CHSY3: variants seen among roughly 807,000 people sequenced by gnomAD.
The protein encoded by CHSY3 is N-acetylgalactosaminyl-proteoglycan 3-beta-glucuronosyltransferase 3.
Under a neutral mutation model 67.2 loss-of-function variants are expected in CHSY3, and 35 were observed. The ratio of observed to expected loss-of-function variants is 0.52; its 90% CI spans 0.40 to 0.69. The LOEUF (loss-of-function observed/expected upper bound fraction) is 0.69, where lower values mean the gene tolerates loss of function less well. CHSY3 is among the 30% of genes least tolerant of loss of function. CHSY3 has a pLI of 0.00. For missense variants in CHSY3, 1,069 were observed against 1,138.5 expected (o/e 0.94, Z 0.88); for synonymous variants, 474 against 434.7 (o/e 1.09, Z -1.12).
chr5:130,050,655 A>T (rs970515534), intron 2 of CHSY3, among the ~76,000 whole-genome samples: 6 of 152,146 alleles, frequency 3.9e-5, no homozygotes, highest in African/African-American at 1.4e-4. Context: ...CACTGCAATC[A>T]CATAGAGTTG....
intron 2 of CHSY3, among the ~76,000 whole-genome samples, chr5:130,129,100 T>C (rs1768396616): frequency 6.6e-6 from 1 of 152,076 alleles, no homozygotes; most frequent in Non-Finnish European, 1.5e-5. Flanking sequence ...ATGTGCCAAG[T>C]TTCCTCAAGA....
At chr5:130,071,673 A>G (rs561941157) in intron 2 of CHSY3, among the ~76,000 whole-genome samples, 1 of 152,082 alleles carries the variant, frequency 6.6e-6, no homozygotes, top group Admixed American at 6.6e-5. Flanking sequence ...TGAAATGAAC[A>G]TGGAAGTTCA....
intron 2 of CHSY3, 23 bp from the exon 3 acceptor site, chr5:130,184,206 A>AT (rs751880121): frequency 1.1e-5 from 16 of 1,447,496 alleles, no homozygotes; most frequent in African/African-American, 1.4e-5. Context: ...ATTAACCCTG[A>AT]TTTTTTTAAT....
At chr5:130,098,087 G>A (rs1257764778) in intron 2 of CHSY3, among the ~76,000 whole-genome samples, 2 of 152,088 alleles carry the variant, frequency 1.3e-5, no homozygotes, top group Non-Finnish European at 2.9e-5. Context: ...GGAAAAAAAA[G>A]CCTACAAAAC....
intron 2 of CHSY3, among the ~76,000 whole-genome samples, chr5:130,162,212 T>A (rs2149728782): frequency 6.6e-6 from 1 of 152,246 alleles, no homozygotes; most frequent in Non-Finnish European, 1.5e-5. Context: ...ATATTTATTT[T>A]AAAAATGTAC....
intron 2 of CHSY3, among the ~76,000 whole-genome samples, chr5:130,115,191 TC>T (rs924946732): frequency 1.2e-4 from 18 of 152,076 alleles, no homozygotes; most frequent in African/African-American, 3.1e-4. Flanking sequence ...GTATTTTTTT[TC>T]ATCCCCCTAA....
At chr5:130,128,102 A>T (rs1304495643) in intron 2 of CHSY3, among the ~76,000 whole-genome samples, 1 of 152,172 alleles carries the variant, frequency 6.6e-6, no homozygotes. Context: ...CAATGAACAC[A>T]TACTGAGTAA....
intron 2 of CHSY3, among the ~76,000 whole-genome samples, chr5:130,127,692 C>T (rs1295246719): frequency 6.6e-6 from 1 of 152,150 alleles, no homozygotes; most frequent in East Asian, 1.9e-4. Flanking sequence ...TTAGGTCAAT[C>T]AGAAATTCCT....
At chr5:130,015,871 G>C (rs1438176916) in intron 2 of CHSY3, among the ~76,000 whole-genome samples, 1 of 152,034 alleles carries the variant, frequency 6.6e-6, no homozygotes, top group Non-Finnish European at 1.5e-5. Context: ...AGAAAATGTG[G>C]TATATATACT....
chr5:130,139,292 C>A (rs2149718185), intron 2 of CHSY3, among the ~76,000 whole-genome samples: 1 of 152,242 alleles, frequency 6.6e-6, no homozygotes, highest in Admixed American at 6.5e-5. Flanking sequence ...GTCCGTTTAG[C>A]AAGACACATT....
At position 129,905,205 on chromosome 5, in the gene CHSY3, G is replaced by C. The variant is rs1405445322; in HGVS notation, c.376G>C (p.Gly126Arg). Residue 126 changes from glycine to arginine, a missense_variant, in exon 1 of 3, where the codon GGT becomes CGT. Gly to Arg is a moderately radical substitution (Grantham distance 125). Around this residue, in one of 5 missense-constraint regions of CHSY3, gnomAD observed 309 missense variants for 262.5 expected, o/e 1.18. Transcript: ENST00000305031. ...REPEGATGLP[G>R]APAAEGEPEE... ...GCCTGAGGGCGCGACGGGGCTTCCC[G>C]GTGCTCCAGCGGCCGAGGGGGAGCC... 6.6e-7 allele frequency: 1 copy of C among 1,513,924 alleles called. No individual in the cohort carries two copies. Among genetic ancestry groups the C allele is most frequent in the Non-Finnish European group, 8.8e-7 (1 of 1,137,542 alleles). 93.8% of individuals were successfully genotyped at this position (1,513,924 alleles called of 1,614,324 possible).
At chr5:130,111,000 A>T (rs897006016) in intron 2 of CHSY3, among the ~76,000 whole-genome samples, 8 of 151,996 alleles carry the variant, frequency 5.3e-5, no homozygotes, top group African/African-American at 1.9e-4. Flanking sequence ...TTTCACCAAC[A>T]TTTAATTTCT....
In CHSY3 at chr5:130,186,455, T is replaced by C. The variant is rs1770425527; in HGVS notation, c.*664T>C. 1.3e-5 allele frequency: 2 copies of C among 152,728 alleles called. No homozygotes were observed. The highest frequency in any genetic ancestry group is 2.4e-5 in the African/African-American group (1 of 41,406). 9.5% of individuals were successfully genotyped at this position (152,728 alleles called of 1,614,324 possible). On this transcript the variant is annotated 3_prime_UTR_variant, in exon 3 of 3. Coordinates refer to ENST00000305031, the MANE Select transcript of CHSY3 (RefSeq NM_175856.5). ...TTATGAGCTCCTCACAACTGTCTGC[T>C]ATAAATGCGAATGAACTTTATTTTC...
At chr5:129,933,604 T>A (rs1761386882) in intron 2 of CHSY3, among the ~76,000 whole-genome samples, 2 of 152,156 alleles carry the variant, frequency 1.3e-5, no homozygotes, top group Non-Finnish European at 2.9e-5. Flanking sequence ...GTGTACAGAA[T>A]CATTAGGTAC....
chr5:130,024,412 A>AT, intron 2 of CHSY3, among the ~76,000 whole-genome samples: 1 of 152,092 alleles, frequency 6.6e-6, no homozygotes, highest in Non-Finnish European at 1.5e-5. Context: ...TGATTAATGT[A>AT]AGGAAAGTGC....
At chr5:130,164,166 A>T (rs1407792455) in intron 2 of CHSY3, among the ~76,000 whole-genome samples, 1 of 152,190 alleles carries the variant, frequency 6.6e-6, no homozygotes, top group Non-Finnish European at 1.5e-5. Context: ...GAATGTTAAA[A>T]ACTCTCTATC....
At chr5:130,068,022 G>T (rs1036948924) in intron 2 of CHSY3, among the ~76,000 whole-genome samples, 3 of 152,156 alleles carry the variant, frequency 2.0e-5, no homozygotes, top group African/African-American at 7.2e-5. Context: ...TGTCCAGGCA[G>T]CTGTAAATAT....
chr5:130,185,304 T>C lies in CHSY3; in HGVS notation c.2162T>C (p.Leu721Ser). The C allele has an allele frequency of 6.2e-7, 1 of 1,611,640 alleles. No homozygotes were observed. The highest frequency in any genetic ancestry group is 8.5e-7 in the Non-Finnish European group (1 of 1,177,830). ...DTLLLFCDVDLIFREDFLQRC... is the reference protein window; with the variant it reads ...DTLLLFCDVDSIFREDFLQRC... ...TTGCTGCTATTTTGTGATGTTGACT[T>C]GATCTTCAGAGAAGATTTTCTCCAA... The change falls in exon 3 of 3, where the codon TTG becomes TCG. Residue 721 changes from leucine to serine, a missense_variant. By Grantham distance (145) the Leu-to-Ser change is moderately radical. Transcript: ENST00000305031.
chr5:130,164,028 C>T (rs962137084), intron 2 of CHSY3, among the ~76,000 whole-genome samples: 13 of 152,100 alleles, frequency 8.5e-5, no homozygotes, highest in African/African-American at 1.7e-4. Context: ...TTCAAGTGAA[C>T]GACTACTTGG....
Sources: gnomAD v4.1 joint callset for allele counts (sites outside exome capture counted in the v4.1 genomes callset) on GRCh38, gnomAD v4.1.1 for gene constraint, gnomAD v4.1.1 regional missense constraint, MANE v1.5 for transcripts, NCBI Gene and HGNC (gene_info 2026-07-23, HGNC 2026-07-21) for gene names.